KCNAB1: variants seen among roughly 807,000 people sequenced by gnomAD.
KCNAB1 encodes the protein voltage-gated potassium channel subunit beta-1.
KCNAB1 carries 35 observed loss-of-function variants against 64.6 expected under a neutral mutation model. That is an observed-to-expected ratio of 0.54 (90% CI 0.41 to 0.72). KCNAB1 has a LOEUF of 0.72. Among genes scored for constraint, KCNAB1 ranks in the 30% least tolerant of loss-of-function variants. KCNAB1 has a pLI of 0.00. For missense variants in KCNAB1, 401 were observed against 512.9 expected, an observed-to-expected ratio of 0.78 and a Z score of 2.11; for synonymous variants, 177 against 183.8, an observed-to-expected ratio of 0.96 and a Z score of 0.30.
At chr3:156,441,392 G>A (rs996833590) in intron 2 of KCNAB1, 10 of 152,176 alleles carry the variant, frequency 6.6e-5, no homozygotes, top group Non-Finnish European at 1.3e-4. Flanking sequence ...ACTTCTTGAC[G>A]GTAGCATTTT....
intron 1 of KCNAB1, among the ~76,000 whole-genome samples, chr3:156,378,972 T>C (rs1560227092): frequency 6.6e-6 from 1 of 152,228 alleles, no homozygotes; most frequent in Non-Finnish European, 1.5e-5. Context: ...TCTGACAGTT[T>C]CTGCTGAAAA....
At chr3:156,461,467 A>G (rs1712905880) in intron 5 of KCNAB1, among the ~76,000 whole-genome samples, 1 of 152,190 alleles carries the variant, frequency 6.6e-6, no homozygotes, top group Admixed American at 6.5e-5. Context: ...GGCCTCCTCT[A>G]CCTATTAACT....
chr3:156,458,114 G>A (rs1712588408), intron 4 of KCNAB1, among the ~76,000 whole-genome samples: 1 of 152,194 alleles, frequency 6.6e-6, no homozygotes, highest in Admixed American at 6.5e-5. Flanking sequence ...GGATCTCAGA[G>A]CCCATTCTGA....
At chr3:156,459,707 T>C in intron 4 of KCNAB1, 120 bp from the exon 5 acceptor site, 1 of 669,486 alleles carries the variant, frequency 1.5e-6, no homozygotes, top group Non-Finnish European at 2.5e-6. Context: ...CGAGAGCGGC[T>C]TCTATTTTCG....
chr3:156,189,396 C>T (rs1713411648), intron 1 of KCNAB1, among the ~76,000 whole-genome samples: 1 of 152,162 alleles, frequency 6.6e-6, no homozygotes, highest in African/African-American at 2.4e-5. Flanking sequence ...CTGGCATTGC[C>T]AGAAGAAACG....
intron 1 of KCNAB1, among the ~76,000 whole-genome samples, chr3:156,136,390 G>A (rs922797710): frequency 4.6e-5 from 7 of 152,190 alleles, no homozygotes; most frequent in African/African-American, 1.7e-4. Flanking sequence ...TTGAACCCAA[G>A]CCTTCCTGAC....
At chr3:156,185,509 T>G (rs1283609102) in intron 1 of KCNAB1, among the ~76,000 whole-genome samples, 5 of 152,178 alleles carry the variant, frequency 3.3e-5, no homozygotes, top group African/African-American at 1.2e-4. Flanking sequence ...CACTTTTATG[T>G]GGTATGGAAG....
chr3:156,144,669 G>T (rs1269789990), intron 1 of KCNAB1, among the ~76,000 whole-genome samples: 1 of 152,148 alleles, frequency 6.6e-6, no homozygotes, highest in Non-Finnish European at 1.5e-5. Flanking sequence ...TCTTCTCCGT[G>T]TTTCCTCGAC....
At chr3:156,331,658 C>T (rs1723337788) in intron 1 of KCNAB1, among the ~76,000 whole-genome samples, 1 of 151,158 alleles carries the variant, frequency 6.6e-6, no homozygotes, top group African/African-American at 2.4e-5. Flanking sequence ...ATTATGAAAC[C>T]CTGATAATAG....
chr3:156,305,470 C>T (rs1384164163), intron 1 of KCNAB1, among the ~76,000 whole-genome samples: 3 of 152,146 alleles, frequency 2.0e-5, no homozygotes, highest in Non-Finnish European at 4.4e-5. Flanking sequence ...CTTTTGCTTT[C>T]CAGTGCAGGC....
intron 8 of KCNAB1, among the ~76,000 whole-genome samples, chr3:156,497,554 G>C (rs1716091626): frequency 6.6e-6 from 1 of 152,332 alleles, no homozygotes; most frequent in African/African-American, 2.4e-5. Context: ...AATAGAATAA[G>C]AAGTTATGTG....
intron 1 of KCNAB1, among the ~76,000 whole-genome samples, chr3:156,250,108 C>T (rs921561689): frequency 4.6e-5 from 7 of 152,100 alleles, no homozygotes; most frequent in Admixed American, 1.3e-4. Context: ...GGTTTTATAG[C>T]ATCTTTGAAA....
intron 1 of KCNAB1, among the ~76,000 whole-genome samples, chr3:156,267,246 A>G (rs1718774565): frequency 6.6e-6 from 1 of 152,104 alleles, no homozygotes; most frequent in South Asian, 2.1e-4. Context: ...TTTTCCCATT[A>G]TATTCATGTT....
chr3:156,203,991 C>G (rs1219468527), intron 1 of KCNAB1, among the ~76,000 whole-genome samples: 3 of 152,134 alleles, frequency 2.0e-5, no homozygotes, highest in African/African-American at 7.2e-5. Flanking sequence ...ATTGCTGGGA[C>G]TGCAGATAGG....
At chr3:156,348,509 G>A (rs189051704) in intron 1 of KCNAB1, among the ~76,000 whole-genome samples, 9 of 152,250 alleles carry the variant, frequency 5.9e-5, no homozygotes, top group African/African-American at 1.2e-4. Flanking sequence ...CCTGAGATGC[G>A]GGGATGGTGG....
At chr3:156,123,056 G>A (rs554861193) in intron 1 of KCNAB1, among the ~76,000 whole-genome samples, 23 of 152,290 alleles carry the variant, frequency 1.5e-4, no homozygotes, top group African/African-American at 5.3e-4. Flanking sequence ...AATGTCAGCC[G>A]TTGAGAAGTC....
intron 2 of KCNAB1, among the ~76,000 whole-genome samples, chr3:156,434,366 C>A (rs1196560960): frequency 3.9e-5 from 6 of 152,156 alleles, no homozygotes; most frequent in Non-Finnish European, 7.3e-5. Context: ...ACATCAATTG[C>A]CCACTCACTG....
intron 1 of KCNAB1, among the ~76,000 whole-genome samples, chr3:156,274,064 G>A (rs1484866100): frequency 3.3e-5 from 5 of 152,078 alleles, no homozygotes; most frequent in Non-Finnish European, 5.9e-5. Context: ...TATGGATGTT[G>A]GCGATGACAA....
chr3:156,216,326 A>G (rs1035427332), intron 1 of KCNAB1, among the ~76,000 whole-genome samples: 2 of 152,314 alleles, frequency 1.3e-5, no homozygotes, highest in Middle Eastern at 3.4e-3. Context: ...CTCTGATGGT[A>G]AGAACTACTG....
Sources: gnomAD v4.1 joint callset for allele counts (sites outside exome capture counted in the v4.1 genomes callset) on GRCh38, gnomAD v4.1.1 for gene constraint, MANE v1.5 for transcripts, NCBI Gene and HGNC (gene_info 2026-07-23, HGNC 2026-07-21) for gene names.